The following PKD1L1 variants were observed in gnomAD, a reference collection of about 807,000 sequenced individuals.
The protein encoded by PKD1L1 is polycystin 1 like 1, transient receptor potential channel interacting.
PKD1L1 carries 236 observed loss-of-function variants against 323.4 expected under a neutral mutation model. That is an observed-to-expected ratio of 0.73 (90% confidence interval 0.66 to 0.81). The LOEUF (loss-of-function observed/expected upper bound fraction) is 0.81. PKD1L1 is among the 40% of genes least tolerant of loss of function. The pLI, the probability that PKD1L1 is intolerant of heterozygous loss-of-function variation, is 0.00. For synonymous variants in PKD1L1, 1,344 were observed against 1,335.0 expected (o/e 1.01, Z -0.15); for missense variants, 3,320 against 3,508.0 (o/e 0.95, Z 1.35).
intron 55 of PKD1L1, among the ~76,000 whole-genome samples, chr7:47,794,643 G>T (rs1787032098): frequency 6.6e-6 from 1 of 152,180 alleles, no homozygotes; most frequent in African/African-American, 2.4e-5. Context: ...CCATCCTCCA[G>T]ACTCCAGAAT....
At chr7:47,786,111 C>A (rs971146855) in intron 56 of PKD1L1, among the ~76,000 whole-genome samples, 1 of 152,180 alleles carries the variant, frequency 6.6e-6, no homozygotes, top group Admixed American at 6.5e-5. Context: ...TGTTCAGATA[C>A]ATTGCATCAT....
At chr7:47,922,440 G>A (rs1265350719) in intron 7 of PKD1L1, among the ~76,000 whole-genome samples, 11 of 150,692 alleles carry the variant, frequency 7.3e-5, no homozygotes, top group East Asian at 2.0e-4. Context: ...ACCTCTTCCC[G>A]GCCGTCATCC....
At chr7:47,821,023 C>T (rs1447145572) in intron 46 of PKD1L1, 53 bp downstream of exon 46, 4 of 1,096,248 alleles carry the variant, frequency 3.6e-6, no homozygotes, top group Non-Finnish European at 4.2e-6. Context: ...TGCACACAGG[C>T]TATGGAATAG....
At chr7:47,816,588 GC>G (rs1433449023) in intron 46 of PKD1L1, among the ~76,000 whole-genome samples, 1 of 152,192 alleles carries the variant, frequency 6.6e-6, no homozygotes, top group Non-Finnish European at 1.5e-5. Flanking sequence ...TCATCAACAT[GC>G]CCTCAGCAAA....
At chr7:47,796,525 T>A (rs1466650287) in intron 54 of PKD1L1, among the ~76,000 whole-genome samples, 1 of 152,234 alleles carries the variant, frequency 6.6e-6, no homozygotes. Flanking sequence ...GGCCTGTGCC[T>A]GTGCCTGGGA....
intron 7 of PKD1L1, among the ~76,000 whole-genome samples, chr7:47,918,472 C>CAA (rs201869839): frequency 1.3e-3 from 156 of 123,640 alleles, no homozygotes; most frequent in African/African-American, 6.6e-3. Flanking sequence ...AAGTCAACAA[C>CAA]AAAAAAAAAA....
intron 45 of PKD1L1, among the ~76,000 whole-genome samples, chr7:47,826,253 C>T (rs1785238931): frequency 6.6e-6 from 1 of 152,120 alleles, no homozygotes; most frequent in African/African-American, 2.4e-5. Flanking sequence ...ACCTGAGTGC[C>T]TTTGGAGGTG....
In PKD1L1 at chr7:47,839,568, T is replaced by C; in HGVS notation, c.5647A>G (p.Lys1883Glu). Reference protein sequence around the residue: ...PGWFISHVMVKELHTGQGWFF... With the variant: ...PGWFISHVMVEELHTGQGWFF... ...CAGCCCTGTCCCGTGTGCAGCTCCT[T>C]CACCATCACGTGGCTGATGAACCAG... The change falls in exon 36 of 57, where the codon AAG (lysine) becomes GAG (glutamate). Residue 1883 changes from lysine to glutamate, a missense_variant. Transcript: ENST00000289672. This position sits in a 1 kb window ranked among gnomAD's most constrained non-coding sequence, Gnocchi z 4.3. 6.2e-7 allele frequency: 1 copy of C among 1,605,738 alleles called. No homozygotes were observed.
At chr7:47,949,764 CTCTT>C (rs1788177009), upstream of PKD1L1, among the ~76,000 whole-genome samples, 1 of 152,170 alleles carries the variant, frequency 6.6e-6, no homozygotes, top group South Asian at 2.1e-4. Context: ...CAGGCACAAG[CTCTT>C]TCTCAGATGG....
rs1184785544 is a variant in PKD1L1 at position 47,858,709 on chromosome 7, A to G, written c.4326T>C (p.His1442=). ...CTGAGATGACTGTAATTCCTTCTTC[A>G]TGTCGATAGACTTCCTCCTTCGAGT... ...QENSKEEVYR[H]EEGITVISDL... The change falls in exon 27 of 57, where the codon CAT becomes CAC. Residue 1442 remains histidine, a synonymous_variant. Transcript: ENST00000289672. The G allele has an allele frequency of 2.5e-6, 4 of 1,613,908 alleles. No homozygotes were observed. In the African/African-American group the frequency reaches 5.3e-5, roughly 22 times the overall value.
chr7:47,940,141 A>G (rs1286839640), intron 3 of PKD1L1, 52 bp downstream of exon 3: 2 of 1,611,432 alleles, frequency 1.2e-6, no homozygotes, highest in African/African-American at 1.3e-5. Flanking sequence ...GCTGTACTGT[A>G]CATGTACTGT....
chr7:47,803,195 G>A lies in PKD1L1; in HGVS notation c.7962+15C>T, dbSNP rs1347051679. The A allele has an allele frequency of 6.2e-7, 1 of 1,613,966 alleles. No individual in the cohort carries two copies. Among genetic ancestry groups the A allele is most frequent in the Non-Finnish European group, 8.5e-7 (1 of 1,179,904 alleles). On this transcript the variant is annotated intron_variant, in intron 53 of 56. Coordinates refer to ENST00000289672, the MANE Select transcript of PKD1L1 (RefSeq NM_138295.5). Reference sequence around the variant, plus strand: ...TTTACAAGGGAAATCACCTGATAAAGGGGAGAGTTCTTACCCCTGCTACAA... The same window carrying A: ...TTTACAAGGGAAATCACCTGATAAAAGGGAGAGTTCTTACCCCTGCTACAA...
At chr7:47,785,165 T>A (rs1343711907) in intron 56 of PKD1L1, among the ~76,000 whole-genome samples, 1 of 152,234 alleles carries the variant, frequency 6.6e-6, no homozygotes, top group African/African-American at 2.4e-5. Context: ...TTCCTGAGCA[T>A]ACCTCATTTG....
At chr7:47,864,067 CAA>C (rs1389871909) in intron 26 of PKD1L1, among the ~76,000 whole-genome samples, 1 of 151,930 alleles carries the variant, frequency 6.6e-6, no homozygotes, top group Non-Finnish European at 1.5e-5. Context: ...GAAGCAGCAG[CAA>C]AGAGTGGAAA....
rs1289857059 is a variant in PKD1L1, at chr7:47,946,638, C to A, written c.44+1759G>T. On this transcript the variant is annotated intron_variant, in intron 1 of 56. Coordinates refer to ENST00000289672, the MANE Select transcript of PKD1L1 (RefSeq NM_138295.5). The surrounding 1 kb of genome is among the most constrained non-coding windows in gnomAD (Gnocchi z 4.1). ...CACCACACACTACACACAGACCACA[C>A]ACCACACCACCCACACACATGTCCT... 3.3e-5 allele frequency among the ~76,000 whole-genome samples: 5 copies of A among 151,800 alleles called. No individual in the cohort carries two copies. The highest frequency in any genetic ancestry group is 1.2e-4 in the African/African-American group (5 of 41,294).
Position 47,877,603 on chromosome 7 carries a change from A to G in PKD1L1, c.3549T>C (p.Ala1183=). The G allele has an allele frequency of 1.2e-6, 2 of 1,614,162 alleles. No individual in the cohort carries two copies. The highest frequency in any genetic ancestry group is 1.7e-6 in the Non-Finnish European group (2 of 1,180,008). ...CCGGGTTGACTGTCAAGTACAGCTGAGCTTTACCCAGTAAGCCATGCTTCG... is the reference window on the plus strand; with the variant it reads ...CCGGGTTGACTGTCAAGTACAGCTGGGCTTTACCCAGTAAGCCATGCTTCG... ...VASKHGLLGK[A]QLYLTVNPAP... is the part of the protein sequence containing the mutation. The change falls in exon 22 of 57, where the codon GCT becomes GCC. Residue 1183 remains alanine, a synonymous_variant. Transcript: ENST00000289672.
chr7:47,815,518 G>A (rs1323506830), intron 46 of PKD1L1, 61 bp from the exon 47 acceptor site: 2 of 1,555,226 alleles, frequency 1.3e-6, no homozygotes, highest in African/African-American at 2.7e-5. Context: ...TGAAACGTGA[G>A]AACAAAAGCA....
Position 47,932,031 on chromosome 7 carries a change from T to TTA in PKD1L1, c.422_423dup (p.Ile142Ter). 6.2e-7 allele frequency: 1 copy of TTA among 1,612,712 alleles called. No homozygotes were observed. The highest frequency in any genetic ancestry group is 1.1e-5 in the South Asian group (1 of 90,830). On this transcript the variant is annotated frameshift_variant, in exon 5 of 57. Coordinates refer to ENST00000289672, the MANE Select transcript of PKD1L1 (RefSeq NM_138295.5). LOFTEE classifies it high-confidence loss of function. ...CCACCACTGCTCCAGGCCCTTGCGA[T>TTA]TATAATGAAAGGTTTGTGGGGAATT...
chr7:47,831,114 G>A, intron 42 of PKD1L1, 103 bp downstream of exon 42: 2 of 1,389,692 alleles, frequency 1.4e-6, no homozygotes, highest in South Asian at 1.4e-5. Context: ...AGTGACATCT[G>A]GAGCCTGCAT....
Sources: allele counts gnomAD v4.1 joint callset (sites outside exome capture counted in the v4.1 genomes callset), GRCh38; gene constraint gnomAD v4.1.1; non-coding constraint Gnocchi (gnomAD v3.1); transcripts MANE v1.5; gene names NCBI Gene and HGNC (gene_info 2026-07-23, HGNC 2026-07-21).